N4BP2L2: variants seen among roughly 807,000 people sequenced by gnomAD.
The protein encoded by N4BP2L2 is NEDD4-binding protein 2-like 2.
In N4BP2L2, 50 loss-of-function variants were observed where a neutral mutation model predicts 56.2. That is an observed-to-expected ratio of 0.89 (90% CI 0.71 to 1.13). The LOEUF (loss-of-function observed/expected upper bound fraction) is 1.13, where lower values mean the gene tolerates loss of function less well. Among genes scored for constraint, N4BP2L2 ranks in the 50% most tolerant of loss-of-function variants. The pLI is 0.00. For synonymous variants in N4BP2L2, 203 were observed against 223.6 expected, an observed-to-expected ratio of 0.91 and a Z score of 0.82; for missense variants, 689 against 693.8, an observed-to-expected ratio of 0.99 and a Z score of 0.08.
At chr13:32,501,048 A>G (rs2089916919) in intron 6 of N4BP2L2, among the ~76,000 whole-genome samples, 1 of 151,994 alleles carries the variant, frequency 6.6e-6, no homozygotes, top group Non-Finnish European at 1.5e-5. Context: ...TTGTATTTTT[A>G]GTAAAGACGA....
intron 2 of N4BP2L2, among the ~76,000 whole-genome samples, chr13:32,528,233 A>C (rs2053650185): frequency 6.6e-6 from 1 of 152,222 alleles, no homozygotes; most frequent in Admixed American, 6.5e-5. Flanking sequence ...AAGCCTAAGC[A>C]AGCAATTCAT....
chr13:32,492,480 G>C (rs2087394823), intron 6 of N4BP2L2, among the ~76,000 whole-genome samples: 1 of 151,706 alleles, frequency 6.6e-6, no homozygotes, highest in Non-Finnish European at 1.5e-5. Flanking sequence ...AATATCTTTA[G>C]GCCTAGCATC....
rs76925546 is a variant in N4BP2L2 at position 32,511,617 on chromosome 13, A to G, written c.*6185T>C. Reference sequence around the variant, plus strand: ...GAAACTAAATGCAGAGCTGTGGTGTATAAGTTTAACTTGATTAAGTAAGGC... The same window carrying G: ...GAAACTAAATGCAGAGCTGTGGTGTGTAAGTTTAACTTGATTAAGTAAGGC... On this transcript the variant is annotated 3_prime_UTR_variant, in exon 6 of 6. Transcript: ENST00000267068. The G allele has an allele frequency of 4.6e-4, 70 of 152,286 alleles. No individual in the cohort carries two copies. The East Asian group carries it at 0.01, about 22-fold the overall frequency. The allele number at this position is 152,286 out of a possible 1,614,324, so 9.4% of individuals were successfully genotyped here. A position where few individuals can be genotyped will look rare whatever the true frequency, so the allele number is the denominator to read the frequency against.
intron 8 of N4BP2L2, among the ~76,000 whole-genome samples, chr13:32,436,785 C>CAAA (rs1174354861): frequency 2.2e-4 from 10 of 44,978 alleles, no homozygotes; most frequent in East Asian, 8.9e-4. Flanking sequence ...GTGTGACTGT[C>CAAA]AAAAAAAAAA....
intron 6 of N4BP2L2, among the ~76,000 whole-genome samples, chr13:32,458,477 G>A (rs1007604768): frequency 6.6e-6 from 1 of 152,176 alleles, no homozygotes; most frequent in African/African-American, 2.4e-5. Context: ...CCATGCAAAT[G>A]GAAACCCAAA....
chr13:32,527,609 T>A, intron 2 of N4BP2L2, 77 bp from the exon 3 acceptor site: 4 of 1,490,000 alleles, frequency 2.7e-6, no homozygotes, highest in South Asian at 1.2e-5. Flanking sequence ...GAAATAAATA[T>A]AACCAAGTGA....
intron 6 of N4BP2L2, among the ~76,000 whole-genome samples, chr13:32,449,982 C>T (rs1052320918): frequency 6.6e-6 from 1 of 152,194 alleles, no homozygotes; most frequent in Non-Finnish European, 1.5e-5. Flanking sequence ...GAGATTAAAA[C>T]ACCTTTCTCA....
chr13:32,489,498 C>A lies in N4BP2L2; in HGVS notation c.365+28359G>T, dbSNP rs142342215. 4.1e-3 allele frequency among the ~76,000 whole-genome samples: 617 copies of A among 152,244 alleles called. 6 individuals carry two copies. Among genetic ancestry groups the A allele is most frequent in the African/African-American group, 0.014 (589 of 41,544 alleles). ...TTAAGAATACAGATTATAAAAACAT[C>A]ATTTTCCTGAAACTTAAATTCCTCA... On this transcript the variant is annotated intron_variant, in intron 6 of 9. Coordinates refer to the N4BP2L2 transcript ENST00000357505.
At chr13:32,524,025 C>CT (rs2051890364) in intron 3 of N4BP2L2, 1 of 152,188 alleles carries the variant, frequency 6.6e-6, no homozygotes, top group Admixed American at 6.5e-5. Context: ...ATTCAAACCA[C>CT]TAAGTTCAAC....
chr13:32,536,302 C>T (rs934665161), exon 2 of N4BP2L2: 1 of 1,613,532 alleles, frequency 6.2e-7, no homozygotes, highest in Non-Finnish European at 8.5e-7. Flanking sequence ...ATTTGTCTGG[C>T]TCATTCCCCA....
chr13:32,536,061 G>A (rs2056475119), exon 2 of N4BP2L2: 1 of 1,613,864 alleles, frequency 6.2e-7, no homozygotes, highest in African/African-American at 1.3e-5. Context: ...CAGTTAACAT[G>A]ACAATTATTT....
At chr13:32,521,159 G>T (rs2050780007) in intron 5 of N4BP2L2, among the ~76,000 whole-genome samples, 1 of 152,106 alleles carries the variant, frequency 6.6e-6, no homozygotes, top group African/African-American at 2.4e-5. Flanking sequence ...AAAGCACAAA[G>T]TAAAAAGTTG....
At chr13:32,432,881 T>C (rs1356092597) in exon 10 of N4BP2L2, 1 of 152,220 alleles carries the variant, frequency 6.6e-6, no homozygotes, top group Non-Finnish European at 1.5e-5. Context: ...CGGGTACGTC[T>C]CTGGAAAGAA....
At chr13:32,443,518 T>G in exon 7 of N4BP2L2, 7 of 1,611,512 alleles carry the variant, frequency 4.3e-6, no homozygotes, top group Non-Finnish European at 5.9e-6. Context: ...GATTCCATGT[T>G]GATGGCACAG....
intron 6 of N4BP2L2, among the ~76,000 whole-genome samples, chr13:32,491,634 T>C (rs925710218): frequency 2.6e-4 from 28 of 109,204 alleles, no homozygotes; most frequent in Non-Finnish European, 4.6e-4. Flanking sequence ...TATATATATA[T>C]ATTTTTTTTT....
rs1010082011 is a variant in N4BP2L2 at position 32,446,245 on chromosome 13, T to C, written c.366-2119A>G. On this transcript the variant is annotated intron_variant, in intron 6 of 9. Transcript: ENST00000357505. ...CATTTCTAGATATTGGTTTAGAAAA[T>C]ACTCTAAGGAACACTAATGTACCTA... 37 of 623,392 alleles carry C rather than the reference T, an allele frequency of 5.9e-5. No individual in the cohort carries two copies. The Middle Eastern group carries it at 1.3e-3, about 22-fold the overall frequency. The allele number at this position is 623,392 out of a possible 1,614,324, so 38.6% of individuals were successfully genotyped here.
intron 7 of N4BP2L2, among the ~76,000 whole-genome samples, chr13:32,440,128 C>A (rs1451414531): frequency 6.6e-6 from 1 of 152,046 alleles, no homozygotes; most frequent in Non-Finnish European, 1.5e-5. Context: ...GCCAGAGCCC[C>A]AAAAGCAGGT....
chr13:32,505,345 T>C (rs571164884), downstream of N4BP2L2: 1 of 152,374 alleles, frequency 6.6e-6, no homozygotes, highest in South Asian at 2.1e-4. Context: ...GCTGCCAAGA[T>C]GGCTGATTGG....
At chr13:32,470,300 A>G (rs2082062899) in intron 6 of N4BP2L2, among the ~76,000 whole-genome samples, 1 of 152,126 alleles carries the variant, frequency 6.6e-6, no homozygotes, top group Non-Finnish European at 1.5e-5. Flanking sequence ...GTGGTGTCAT[A>G]GTCTTATTAA....
Sources: gnomAD v4.1 joint callset for allele counts (sites outside exome capture counted in the v4.1 genomes callset) on GRCh38, gnomAD v4.1.1 for gene constraint, MANE v1.5 for transcripts, NCBI Gene and HGNC (gene_info 2026-07-23, HGNC 2026-07-21) for gene names.